The following NTRK3 variants were observed in gnomAD, a reference collection of about 807,000 sequenced individuals.
NTRK3 encodes NT-3 growth factor receptor.
In NTRK3, 24 loss-of-function variants were observed where a neutral mutation model predicts 91.7. That is an observed-to-expected ratio of 0.26 (90% CI 0.19 to 0.37). The LOEUF is 0.37. Ranked by LOEUF, NTRK3 falls within the 10% of genes least tolerant of loss-of-function variation. The pLI is 1.00. For missense variants in NTRK3, 880 were observed against 1,068.9 expected (o/e 0.82, Z 2.46); for synonymous variants, 483 against 404.0 (o/e 1.20, Z -2.34).
rs985062922 is a variant in NTRK3 at position 88,236,022 on chromosome 15, G to A, written c.248+19884C>T. Among the ~76,000 whole-genome samples the A allele has an allele frequency of 1.4e-4, 22 of 152,238 alleles. 1 individual carries two copies. Among genetic ancestry groups the A allele is most frequent in the Admixed American group, 1.1e-3 (17 of 15,300 alleles). On this transcript the variant is annotated intron_variant, in intron 3 of 18. Coordinates refer to ENST00000394480, the Ensembl canonical transcript of NTRK3. ...GAGTGTAAACTGTTACAACCACTTC[G>A]GAAAAAGGTCAGGCAGTATCTTATA...
chr15:87,900,690 G>GGGGT (rs71462426), intron 17 of NTRK3, among the ~76,000 whole-genome samples: 141 of 138,336 alleles, frequency 1.0e-3, no homozygotes, highest in South Asian at 2.9e-3. Flanking sequence ...CTTTACAGAG[G>GGGGT]GTGTGTGTGT....
At chr15:88,021,248 G>T (rs149673306) in intron 14 of NTRK3, among the ~76,000 whole-genome samples, 1 of 152,324 alleles carries the variant, frequency 6.6e-6, no homozygotes, top group African/African-American at 2.4e-5. Flanking sequence ...CTGTCCCTCC[G>T]AGGGGCTTGA....
At chr15:88,067,266 G>A (rs2046731941) in intron 13 of NTRK3, among the ~76,000 whole-genome samples, 1 of 151,948 alleles carries the variant, frequency 6.6e-6, no homozygotes, top group Non-Finnish European at 1.5e-5. Flanking sequence ...TCTACTATCT[G>A]TGAAGTCTAT....
intron 3 of NTRK3, among the ~76,000 whole-genome samples, chr15:88,239,464 A>T (rs1042355862): frequency 6.6e-6 from 1 of 152,188 alleles, no homozygotes; most frequent in Non-Finnish European, 1.5e-5. Flanking sequence ...TACCTCCCAG[A>T]TCATTTTTAC....
At chr15:88,208,692 A>G (rs2048995470) in intron 3 of NTRK3, among the ~76,000 whole-genome samples, 1 of 152,198 alleles carries the variant, frequency 6.6e-6, no homozygotes, top group African/African-American at 2.4e-5. Context: ...GCTGGGTTTG[A>G]TGGCAGGACT....
rs959891403 is a variant in NTRK3 at position 88,255,373 on chromosome 15, T to A, written c.248+533A>T. 1.3e-5 allele frequency among the ~76,000 whole-genome samples: 2 copies of A among 152,066 alleles called. No homozygotes were observed. The highest frequency in any genetic ancestry group is 2.9e-5 in the Non-Finnish European group (2 of 68,002). Reference sequence around the variant, plus strand: ...CCGCGAGCAGCCAGCTCGCAACTTGTTTACTTGTCAGCATGTTTTGCTGTT... The same window carrying A: ...CCGCGAGCAGCCAGCTCGCAACTTGATTACTTGTCAGCATGTTTTGCTGTT... On this transcript the variant is annotated intron_variant, in intron 3 of 18. Transcript: ENST00000394480. This position sits in a 1 kb window ranked among gnomAD's most constrained non-coding sequence, Gnocchi z 4.3.
chr15:87,974,921 G>A (rs555704203), intron 14 of NTRK3, among the ~76,000 whole-genome samples: 2 of 152,270 alleles, frequency 1.3e-5, no homozygotes, highest in East Asian at 3.9e-4. Context: ...CACAATCATA[G>A]CCTTCCAGGA....
intron 5 of NTRK3, among the ~76,000 whole-genome samples, chr15:88,155,894 C>A (rs2043848457): frequency 6.6e-6 from 1 of 151,828 alleles, no homozygotes; most frequent in Non-Finnish European, 1.5e-5. Flanking sequence ...TCTTTAAATC[C>A]ATATGTGCTT....
At chr15:88,236,219 G>C (rs979096327) in intron 3 of NTRK3, among the ~76,000 whole-genome samples, 1 of 152,144 alleles carries the variant, frequency 6.6e-6, no homozygotes, top group Non-Finnish European at 1.5e-5. Flanking sequence ...GATAAATTCA[G>C]GTTACCCATA....
At chr15:88,027,272 A>T (rs1236087775) in intron 14 of NTRK3, among the ~76,000 whole-genome samples, 3 of 152,164 alleles carry the variant, frequency 2.0e-5, no homozygotes, top group Admixed American at 2.0e-4. Flanking sequence ...CCCCTCAGAG[A>T]GCTAGTTAAA....
At chr15:87,884,227 G>C (rs962279572) in intron 17 of NTRK3, among the ~76,000 whole-genome samples, 4 of 151,334 alleles carry the variant, frequency 2.6e-5, no homozygotes, top group African/African-American at 4.8e-5. Context: ...AAAATGTTAA[G>C]ACTATTACAT....
intron 12 of NTRK3, among the ~76,000 whole-genome samples, 156 bp downstream of exon 12, chr15:88,127,006 C>G (rs1441601865): frequency 6.6e-6 from 1 of 152,160 alleles, no homozygotes; most frequent in Non-Finnish European, 1.5e-5. Context: ...TTCCATCCAA[C>G]AAGGAAGGTT....
intron 10 of NTRK3, 139 bp downstream of exon 10, chr15:88,134,962 A>G: frequency 9.6e-7 from 1 of 1,038,046 alleles, no homozygotes; most frequent in Non-Finnish European, 1.5e-6. Flanking sequence ...TGGTGGTTGC[A>G]CATGTTCCAG....
chr15:87,936,392 T>C (rs1369740496), intron 15 of NTRK3, among the ~76,000 whole-genome samples: 2 of 152,144 alleles, frequency 1.3e-5, no homozygotes, highest in Non-Finnish European at 2.9e-5. Flanking sequence ...CCACTCTGCC[T>C]TGGGGAGAGG....
At chr15:87,944,733 C>T (rs1351298903) in intron 14 of NTRK3, among the ~76,000 whole-genome samples, 3 of 152,200 alleles carry the variant, frequency 2.0e-5, no homozygotes, top group South Asian at 2.1e-4. Context: ...TTCCCAAGGG[C>T]GAGGGCAGGA....
intron 6 of NTRK3, among the ~76,000 whole-genome samples, chr15:88,139,740 C>T (rs1042273083): frequency 2.6e-5 from 4 of 152,114 alleles, no homozygotes; most frequent in Admixed American, 1.3e-4. Context: ...TGTGCAAGGT[C>T]TTTGGCTGGT....
intron 13 of NTRK3, among the ~76,000 whole-genome samples, chr15:88,097,242 T>A (rs958265115): frequency 6.6e-6 from 1 of 152,228 alleles, no homozygotes; most frequent in Admixed American, 6.5e-5. Context: ...TATATTTCTA[T>A]TGAACAGTGC....
At chr15:88,165,520 A>C (rs2044850897) in intron 5 of NTRK3, among the ~76,000 whole-genome samples, 1 of 152,196 alleles carries the variant, frequency 6.6e-6, no homozygotes. Context: ...AGTCATTACC[A>C]ATAATCATGA....
At chr15:88,088,954 T>C (rs1261371791) in intron 13 of NTRK3, among the ~76,000 whole-genome samples, 1 of 152,064 alleles carries the variant, frequency 6.6e-6, no homozygotes, top group African/African-American at 2.4e-5. Context: ...CCTCTGAGGG[T>C]CCAGTGGGAA....
Sources: allele counts gnomAD v4.1 joint callset (sites outside exome capture counted in the v4.1 genomes callset), GRCh38; gene constraint gnomAD v4.1.1; non-coding constraint Gnocchi (gnomAD v3.1); transcripts MANE v1.5; gene names NCBI Gene and HGNC (gene_info 2026-07-23, HGNC 2026-07-21).